WWOX: variants seen among roughly 807,000 people sequenced by gnomAD.
The protein encoded by WWOX is WW domain-containing oxidoreductase.
Under a neutral mutation model 46.2 loss-of-function variants are expected in WWOX, and 69 were observed. The ratio of observed to expected loss-of-function variants is 1.49; its 90% CI spans 1.23 to 1.82. The LOEUF (loss-of-function observed/expected upper bound fraction) is 1.82, where lower values mean the gene tolerates loss of function less well. Among genes scored for constraint, WWOX ranks in the 40% most tolerant of loss-of-function variants. WWOX has a pLI of 0.00. For missense variants in WWOX, 919 were observed against 542.6 expected (o/e 1.69, Z -6.89); for synonymous variants, 359 against 202.6 (o/e 1.77, Z -6.56).
intron 8 of WWOX, among the ~76,000 whole-genome samples, chr16:78,991,557 C>T (rs1055550257): frequency 2.1e-5 from 3 of 144,740 alleles, no homozygotes; most frequent in East Asian, 2.1e-4. Flanking sequence ...GCCATGATTG[C>T]ACCACTGCAC....
At position 78,999,282 on chromosome 16, in the gene WWOX, C is replaced by G. The variant is rs528595828; in HGVS notation, c.1057-212326C>G. Among the ~76,000 whole-genome samples, 5 of 152,056 alleles carry G rather than the reference C, an allele frequency of 3.3e-5. 1 individual carries two copies. In the East Asian group the frequency reaches 7.7e-4, roughly 24 times the overall value. ...GGTCGGGAGTTCGAGACCAGCCTGA[C>G]CAACATGGAGAAACCCCGTCTCTAC... On this transcript the variant is annotated intron_variant, in intron 8 of 8. Coordinates refer to ENST00000566780, the MANE Select transcript of WWOX (RefSeq NM_016373.4).
intron 5 of WWOX, among the ~76,000 whole-genome samples, chr16:78,220,497 G>A (rs1444265000): frequency 2.0e-5 from 3 of 152,072 alleles, no homozygotes; most frequent in African/African-American, 7.2e-5. Context: ...GTCTCCCATG[G>A]TTATTTTCTG....
intron 5 of WWOX, among the ~76,000 whole-genome samples, chr16:78,192,677 CT>C (rs1406029863): frequency 6.6e-6 from 1 of 152,002 alleles, no homozygotes; most frequent in Non-Finnish European, 1.5e-5. Context: ...AATGTTGAAG[CT>C]TTATTGTTAC....
At chr16:78,993,479 G>T (rs1373864312) in intron 8 of WWOX, among the ~76,000 whole-genome samples, 2 of 152,166 alleles carry the variant, frequency 1.3e-5, no homozygotes, top group African/African-American at 4.8e-5. Flanking sequence ...AAGCAGGGCT[G>T]CCAGGTGTGA....
At chr16:78,590,549 G>A (rs1485590657) in intron 8 of WWOX, among the ~76,000 whole-genome samples, 1 of 152,216 alleles carries the variant, frequency 6.6e-6, no homozygotes, top group African/African-American at 2.4e-5. Context: ...AACACAAAGT[G>A]TATTTCTTGA....
intron 8 of WWOX, among the ~76,000 whole-genome samples, chr16:78,658,632 G>T (rs1167665202): frequency 6.6e-6 from 1 of 152,270 alleles, no homozygotes; most frequent in Non-Finnish European, 1.5e-5. Flanking sequence ...TGTGGCAGCA[G>T]AACCCCAGTC....
chr16:78,919,742 C>A (rs571927839), intron 8 of WWOX, among the ~76,000 whole-genome samples: 1 of 152,072 alleles, frequency 6.6e-6, no homozygotes, highest in Non-Finnish European at 1.5e-5. Flanking sequence ...GTCTCGAACT[C>A]GTGACCTCAT....
intron 8 of WWOX, among the ~76,000 whole-genome samples, chr16:79,052,480 C>T (rs1220616611): frequency 3.3e-5 from 5 of 152,190 alleles, no homozygotes; most frequent in Non-Finnish European, 5.9e-5. Flanking sequence ...GACACATGCA[C>T]ACATATGTTT....
chr16:78,606,828 T>C (rs1345940874), intron 8 of WWOX, among the ~76,000 whole-genome samples: 5 of 150,028 alleles, frequency 3.3e-5, no homozygotes, highest in Non-Finnish European at 7.4e-5. Flanking sequence ...TGAGGATAAG[T>C]GAATTAGCCT....
chr16:79,174,630 A>C (rs967606710), intron 8 of WWOX, among the ~76,000 whole-genome samples: 4 of 152,196 alleles, frequency 2.6e-5, no homozygotes, highest in Non-Finnish European at 4.4e-5. Flanking sequence ...CCTGGGCAAC[A>C]AGAGTGAAAC....
chr16:78,134,097 C>G (rs562672870), intron 4 of WWOX, among the ~76,000 whole-genome samples: 13 of 152,194 alleles, frequency 8.5e-5, no homozygotes, highest in African/African-American at 3.1e-4. Flanking sequence ...GAGAACTAAC[C>G]CTTGTGACGA....
chr16:79,119,411 C>G (rs1210816677), intron 8 of WWOX, among the ~76,000 whole-genome samples: 3 of 152,172 alleles, frequency 2.0e-5, no homozygotes, highest in Admixed American at 6.5e-5. Context: ...GAGAAAGTTG[C>G]AATAATACCT....
intron 8 of WWOX, among the ~76,000 whole-genome samples, chr16:78,877,494 T>A (rs1418062721): frequency 6.6e-6 from 1 of 152,230 alleles, no homozygotes; most frequent in Non-Finnish European, 1.5e-5. Context: ...AGTGAAGCTG[T>A]TTCTCACCAC....
intron 8 of WWOX, among the ~76,000 whole-genome samples, chr16:79,146,785 A>G (rs1013665808): frequency 6.6e-6 from 1 of 152,142 alleles, no homozygotes; most frequent in South Asian, 2.1e-4. Context: ...AAGACTACTG[A>G]ACAAGAGATT....
intron 8 of WWOX, chr16:78,691,096 A>C (rs1300945566): frequency 1.6e-6 from 1 of 611,476 alleles, no homozygotes; most frequent in Non-Finnish European, 2.9e-6. Flanking sequence ...TTTGAAAGTA[A>C]GAGTGCTTTG....
intron 8 of WWOX, among the ~76,000 whole-genome samples, chr16:78,695,696 A>C (rs892432296): frequency 1.3e-5 from 2 of 152,246 alleles, no homozygotes; most frequent in African/African-American, 4.8e-5. Context: ...GAATGGATCA[A>C]AGGAATGAAG....
In WWOX at chr16:79,180,166, C is replaced by T. The variant is rs558688332; in HGVS notation, c.1057-31442C>T. ...AGTCTTGGTCACGGGTACATCAAAACGACGCTGGTGCCTAACTTCTAGTTC... is the reference window on the plus strand; with the variant it reads ...AGTCTTGGTCACGGGTACATCAAAATGACGCTGGTGCCTAACTTCTAGTTC... On this transcript the variant is annotated intron_variant, in intron 8 of 8. Transcript: ENST00000566780. Among the ~76,000 whole-genome samples the T allele has an allele frequency of 1.1e-4, 16 of 152,256 alleles. No homozygotes were observed. In the East Asian group the frequency reaches 1.9e-3, roughly 18 times the overall value.
At chr16:79,095,802 A>G (rs189699725) in intron 8 of WWOX, among the ~76,000 whole-genome samples, 23 of 150,830 alleles carry the variant, frequency 1.5e-4, no homozygotes, top group Admixed American at 2.6e-4. Flanking sequence ...TCACCCTTGC[A>G]TACTCCTCCA....
intron 5 of WWOX, among the ~76,000 whole-genome samples, chr16:78,349,561 G>A (rs1372667434): frequency 8.3e-6 from 1 of 120,670 alleles, no homozygotes; most frequent in East Asian, 1.9e-4. Context: ...GGCCCTGACT[G>A]TCTTGCCTGG....
Sources: allele counts gnomAD v4.1 joint callset (sites outside exome capture counted in the v4.1 genomes callset), GRCh38; gene constraint gnomAD v4.1.1; transcripts MANE v1.5; gene names NCBI Gene and HGNC (gene_info 2026-07-23, HGNC 2026-07-21).